The following MDGA2 variants were observed in gnomAD, a reference collection of about 807,000 sequenced individuals.
MDGA2 encodes MAM domain-containing glycosylphosphatidylinositol anchor protein 2.
A neutral mutation model predicts 117.8 loss-of-function variants in MDGA2; 40 were observed. That is an observed-to-expected ratio of 0.34 (90% CI 0.26 to 0.44). The LOEUF (loss-of-function observed/expected upper bound fraction) is 0.44, where lower values mean the gene tolerates loss of function less well. MDGA2 is among the 20% of genes least tolerant of loss of function. MDGA2 has a pLI of 1.00. For missense variants in MDGA2, 1,123 were observed against 1,250.6 expected, an observed-to-expected ratio of 0.90 and a Z score of 1.54; for synonymous variants, 452 against 439.0, an observed-to-expected ratio of 1.03 and a Z score of -0.37.
At chr14:47,669,876 A>G (rs536650191) in intron 1 of MDGA2, among the ~76,000 whole-genome samples, 16 of 152,306 alleles carry the variant, frequency 1.1e-4, no homozygotes, top group Non-Finnish European at 2.9e-5. Context: ...ATCATAATCA[A>G]TATACCTTCG....
intron 1 of MDGA2, among the ~76,000 whole-genome samples, chr14:47,514,279 C>T (rs147955569): frequency 6.6e-6 from 1 of 152,096 alleles, no homozygotes; most frequent in Non-Finnish European, 1.5e-5. Flanking sequence ...GAGAGATGGG[C>T]AATGCCCCCA....
At chr14:47,093,759 G>T (rs1879804713) in intron 6 of MDGA2, among the ~76,000 whole-genome samples, 1 of 152,030 alleles carries the variant, frequency 6.6e-6, no homozygotes, top group Admixed American at 6.6e-5. Flanking sequence ...GTAGAATAAA[G>T]AATTCTGAAA....
chr14:46,962,177 G>A (rs888935811), intron 8 of MDGA2, among the ~76,000 whole-genome samples: 14 of 152,120 alleles, frequency 9.2e-5, no homozygotes, highest in African/African-American at 3.4e-4. Flanking sequence ...ACATTTAAGT[G>A]CATGACTTGA....
intron 1 of MDGA2, among the ~76,000 whole-genome samples, chr14:47,332,558 A>G (rs1890323758): frequency 2.1e-5 from 2 of 94,218 alleles, no homozygotes; most frequent in Non-Finnish European, 4.9e-5. Flanking sequence ...AAGCACTTAA[A>G]AAAAATTCAA....
At chr14:47,127,220 G>GT (rs1881950730) in intron 5 of MDGA2, among the ~76,000 whole-genome samples, 1 of 152,062 alleles carries the variant, frequency 6.6e-6, no homozygotes, top group Non-Finnish European at 1.5e-5. Flanking sequence ...ATTCAAAACA[G>GT]TAAGAATCAC....
intron 1 of MDGA2, among the ~76,000 whole-genome samples, chr14:47,362,848 A>T (rs1465875664): frequency 6.6e-6 from 1 of 152,200 alleles, no homozygotes; most frequent in Non-Finnish European, 1.5e-5. Flanking sequence ...TGCATCAAAA[A>T]CTACCATATT....
intron 1 of MDGA2, among the ~76,000 whole-genome samples, chr14:47,316,071 T>A (rs903982595): frequency 6.6e-6 from 1 of 152,120 alleles, no homozygotes; most frequent in South Asian, 2.1e-4. Flanking sequence ...AATGCTAGCA[T>A]AATCTAAGGT....
At chr14:47,275,362 T>C (rs1888276795) in intron 2 of MDGA2, among the ~76,000 whole-genome samples, 1 of 152,194 alleles carries the variant, frequency 6.6e-6, no homozygotes, top group Non-Finnish European at 1.5e-5. Context: ...ATGGATATTA[T>C]TCACACTATG....
chr14:47,108,626 A>C (rs1235890005), intron 5 of MDGA2, among the ~76,000 whole-genome samples: 2 of 151,948 alleles, frequency 1.3e-5, no homozygotes, highest in South Asian at 2.1e-4. Context: ...TACCTACCCA[A>C]ATCCTATAAA....
In MDGA2 at chr14:46,969,199, G is replaced by A. The variant is rs552893921; in HGVS notation, c.1820-11556C>T. ...AGTCTTTGCTATTGTGACTATTGCC[G>A]CAATAAACATGCATGTGCATGTGTC... On this transcript the variant is annotated intron_variant, in intron 8 of 16. Coordinates refer to ENST00000399232, the MANE Select transcript of MDGA2 (RefSeq NM_001113498.3). Among the ~76,000 whole-genome samples, 193 of 152,174 alleles carry A rather than the reference G, an allele frequency of 1.3e-3. 3 individuals are homozygous for A. Among genetic ancestry groups the A allele is most frequent in the African/African-American group, 3.1e-3 (128 of 41,526 alleles).
At chr14:47,400,153 C>A (rs1357327308) in intron 1 of MDGA2, among the ~76,000 whole-genome samples, 2 of 152,110 alleles carry the variant, frequency 1.3e-5, no homozygotes, top group African/African-American at 2.4e-5. Context: ...TATACTGCAG[C>A]ACGCATATTC....
chr14:47,597,875 CACACACACAA>C (rs1043326455), intron 1 of MDGA2, among the ~76,000 whole-genome samples: 10 of 149,516 alleles, frequency 6.7e-5, no homozygotes, highest in African/African-American at 2.5e-4. Flanking sequence ...CACACACACA[CACACACACAA>C]AACACAGAGT....
chr14:47,555,457 G>A (rs1490004815), intron 1 of MDGA2, among the ~76,000 whole-genome samples: 1 of 152,120 alleles, frequency 6.6e-6, no homozygotes, highest in African/African-American at 2.4e-5. Flanking sequence ...CAATATGTGT[G>A]CTGGGGATAT....
intron 1 of MDGA2, among the ~76,000 whole-genome samples, chr14:47,482,083 T>C (rs1435891505): frequency 6.6e-6 from 1 of 152,034 alleles, no homozygotes; most frequent in Non-Finnish European, 1.5e-5. Context: ...AGTTAGAATT[T>C]ATCATGGGTT....
intron 8 of MDGA2, among the ~76,000 whole-genome samples, chr14:47,031,119 G>A (rs1003041682): frequency 2.6e-5 from 4 of 151,612 alleles, no homozygotes; most frequent in Non-Finnish European, 4.4e-5. Flanking sequence ...AAGTTATATT[G>A]CTTCCTTTTA....
At chr14:47,461,825 C>T (rs1324281159) in intron 1 of MDGA2, among the ~76,000 whole-genome samples, 1 of 152,104 alleles carries the variant, frequency 6.6e-6, no homozygotes, top group Non-Finnish European at 1.5e-5. Flanking sequence ...CCCAGAAACC[C>T]AATTTAATTT....
At chr14:46,843,473 T>C (rs1235119827) in intron 16 of MDGA2, among the ~76,000 whole-genome samples, 1 of 152,160 alleles carries the variant, frequency 6.6e-6, no homozygotes, top group African/African-American at 2.4e-5. Context: ...GAATACATGT[T>C]TTCCTGTGCA....
At chr14:47,493,786 CA>C (rs1350635736) in intron 1 of MDGA2, among the ~76,000 whole-genome samples, 2 of 152,012 alleles carry the variant, frequency 1.3e-5, no homozygotes, top group African/African-American at 4.8e-5. Context: ...ATGCATATAA[CA>C]AATGCAATTT....
chr14:47,360,161 G>GA (rs1891085092), intron 1 of MDGA2, among the ~76,000 whole-genome samples: 1 of 152,014 alleles, frequency 6.6e-6, no homozygotes, highest in African/African-American at 2.4e-5. Context: ...AGACCAGTCT[G>GA]ACCAACATGG....
Sources: allele counts gnomAD v4.1 joint callset (sites outside exome capture counted in the v4.1 genomes callset), GRCh38; gene constraint gnomAD v4.1.1; transcripts MANE v1.5; gene names NCBI Gene and HGNC (gene_info 2026-07-23, HGNC 2026-07-21).